The following FAM167A variants were observed in gnomAD, a reference collection of about 807,000 sequenced individuals.
FAM167A encodes the protein family with sequence similarity 167 member A.
In FAM167A, 23 loss-of-function variants were observed where a neutral mutation model predicts 14.9. The observed-to-expected ratio is 1.55, with a 90% confidence interval of 1.11 to 2.19. The LOEUF is 2.19. Among genes scored for constraint, FAM167A ranks in the 30% most tolerant of loss-of-function variants. The probability of loss-of-function intolerance (pLI) is 0.00; values close to 1 mark genes in which losing one functional copy is unlikely to be tolerated. For synonymous variants in FAM167A, 174 were observed against 117.7 expected (o/e 1.48, Z -3.10); for missense variants, 401 against 281.5 (o/e 1.42, Z -3.04).
chr8:11,429,333 C>T (rs1272465291), intron 2 of FAM167A, among the ~76,000 whole-genome samples: 2 of 152,154 alleles, frequency 1.3e-5, no homozygotes, highest in African/African-American at 2.4e-5. Flanking sequence ...CTTTGCTGGT[C>T]CTGTGTGGAG....
At position 11,445,386 on chromosome 8, in the gene FAM167A, C is replaced by T. The variant is rs546453479; in HGVS notation, c.-397-578G>A. 5.3e-5 allele frequency: 52 copies of T among 985,780 alleles called. No homozygotes were observed. The African/African-American group carries it at 7.7e-4, about 15-fold the overall frequency. The allele number at this position is 985,780 out of a possible 1,614,324, so 61.1% of individuals were successfully genotyped here. ...TTCTACATCCAGGTCTTACTCTACG[C>T]TCCTAGCTTCTTCCTCCAAGAACAA... On this transcript the variant is annotated intron_variant, in intron 1 of 2. Transcript: ENST00000284486.
rs1416282989 is a variant in FAM167A at position 11,424,413 on chromosome 8, G to C, written c.605C>G (p.Thr202Ser). 2 of 1,614,032 alleles carry C rather than the reference G, an allele frequency of 1.2e-6. No individual in the cohort carries two copies. Among genetic ancestry groups the C allele is most frequent in the South Asian group, 2.2e-5 (2 of 91,042 alleles). The change falls in exon 3 of 3, where the codon ACC becomes AGC. Residue 202 changes from threonine (T) to serine (S), a missense_variant. Coordinates refer to ENST00000284486, the MANE Select transcript of FAM167A (RefSeq NM_053279.3). ...LSTPLKLIGVTKMNINSRRFS... is the reference protein window; with the variant it reads ...LSTPLKLIGVSKMNINSRRFS... The stretch of plus-strand genomic sequence containing the variant: ...CCTCCGAGAGTTGATGTTCATCTTG[G>C]TCACGCCAATAAGCTTGAGTGGTGT...
chr8:11,432,739 T>C (rs776085639), intron 2 of FAM167A, among the ~76,000 whole-genome samples: 1 of 152,218 alleles, frequency 6.6e-6, no homozygotes, highest in Non-Finnish European at 1.5e-5. Flanking sequence ...TTATAAATCA[T>C]TCTATGATAA....
intron 1 of FAM167A, among the ~76,000 whole-genome samples, chr8:11,466,201 C>T (rs944144640): frequency 6.6e-6 from 1 of 152,174 alleles, no homozygotes; most frequent in African/African-American, 2.4e-5. Flanking sequence ...GGACCGCATC[C>T]GTGGGGACAG....
chr8:11,422,818 T>C lies in FAM167A; in HGVS notation c.*1555A>G, dbSNP rs1433375811. The C allele has an allele frequency of 1.3e-5, 2 of 152,576 alleles. No individual in the cohort carries two copies. Among genetic ancestry groups the C allele is most frequent in the Middle Eastern group, 3.4e-3 (1 of 294 alleles). 9.5% of individuals were successfully genotyped at this position (152,576 alleles called of 1,614,324 possible). A position where few individuals can be genotyped will look rare whatever the true frequency, so the allele number is the denominator to read the frequency against. The stretch of plus-strand genomic sequence containing the variant: ...GCAGCCAGATGCCGTGCGTAGACCA[T>C]GGGACAGTGATTAGTGACACATGCC... On this transcript the variant is annotated 3_prime_UTR_variant, in exon 3 of 3. Coordinates refer to ENST00000284486, the MANE Select transcript of FAM167A (RefSeq NM_053279.3).
rs1395368296 is a variant in FAM167A at position 11,446,178 on chromosome 8, G to A, written c.-397-1370C>T. 7.2e-5 allele frequency among the ~76,000 whole-genome samples: 11 copies of A among 152,278 alleles called. No individual in the cohort carries two copies. The South Asian group carries it at 1.5e-3, about 20-fold the overall frequency. On this transcript the variant is annotated intron_variant, in intron 1 of 2. Coordinates refer to ENST00000284486, the MANE Select transcript of FAM167A (RefSeq NM_053279.3). Reference sequence around the variant, plus strand: ...AGCAGGACCACCTCGCGGTGTCCTGGGATTCCTCTCCGACATGGCACGCAG... The same window carrying A: ...AGCAGGACCACCTCGCGGTGTCCTGAGATTCCTCTCCGACATGGCACGCAG...
At chr8:11,456,181 TGTGTGA>T (rs1807281185) in intron 1 of FAM167A, among the ~76,000 whole-genome samples, 8 of 5,314 alleles carry the variant, frequency 1.5e-3, no homozygotes, top group East Asian at 5.1e-3. Flanking sequence ...GCTGTGTGTG[TGTGTGA>T]ATGTGGGGGG....
intron 1 of FAM167A, among the ~76,000 whole-genome samples, chr8:11,453,821 G>A (rs1047076357): frequency 1.3e-5 from 2 of 151,626 alleles, no homozygotes; most frequent in South Asian, 2.1e-4. Context: ...CGTCTACACC[G>A]CAGCACATAA....
At chr8:11,451,429 C>A (rs1444523107) in intron 1 of FAM167A, among the ~76,000 whole-genome samples, 1 of 152,248 alleles carries the variant, frequency 6.6e-6, no homozygotes, top group Non-Finnish European at 1.5e-5. Flanking sequence ...GTGACTGACA[C>A]AGCACGCACT....
intron 1 of FAM167A, among the ~76,000 whole-genome samples, chr8:11,457,199 C>T (rs1188133537): frequency 1.3e-5 from 2 of 151,876 alleles, no homozygotes; most frequent in African/African-American, 2.4e-5. Context: ...CTCCAAGCAC[C>T]CCTGTGGTCT....
intron 2 of FAM167A, among the ~76,000 whole-genome samples, chr8:11,433,264 G>T (rs1242622315): frequency 6.6e-6 from 1 of 152,024 alleles, no homozygotes; most frequent in Non-Finnish European, 1.5e-5. Context: ...AGCACAAGGA[G>T]CAACTCTATG....
In FAM167A at chr8:11,424,267, C is replaced by A; in HGVS notation, c.*106G>T. On this transcript the variant is annotated 3_prime_UTR_variant, in exon 3 of 3. Transcript: ENST00000284486. The stretch of plus-strand genomic sequence containing the variant: ...GCCCTTGAGTCGCCAGTCCCAGGGA[C>A]CCCTGCCTCCGGGAGACCCACTGGA... 6.7e-7 allele frequency: 1 copy of A among 1,491,124 alleles called. No individual in the cohort carries two copies. The highest frequency in any genetic ancestry group is 9.1e-7 in the Non-Finnish European group (1 of 1,100,148). The allele number at this position is 1,491,124 out of a possible 1,614,324, so 92.4% of individuals were successfully genotyped here.
chr8:11,445,005 T>G lies in FAM167A; in HGVS notation c.-397-197A>C, dbSNP rs73663145. On this transcript the variant is annotated intron_variant, in intron 1 of 2. Transcript: ENST00000284486. ...GAGAAGTTAATGAGCAATTGAAAAA[T>G]TGTGCAGTGTTTTACCATTTATATA... is the stretch of plus-strand genomic sequence containing the variant. 2,095 of 668,234 alleles carry G rather than the reference T, an allele frequency of 3.1e-3. 5 individuals are homozygous for G. Among genetic ancestry groups the G allele is most frequent in the Non-Finnish European group, 3.7e-3 (1,990 of 540,072 alleles). The allele number at this position is 668,234 out of a possible 1,614,324, so 41.4% of individuals were successfully genotyped here.
At chr8:11,427,345 G>A (rs185138698) in intron 2 of FAM167A, among the ~76,000 whole-genome samples, 129 of 152,312 alleles carry the variant, frequency 8.5e-4, no homozygotes, top group African/African-American at 2.9e-4. Flanking sequence ...AGTGCAGAGC[G>A]CCTTCTGTAA....
intron 2 of FAM167A, among the ~76,000 whole-genome samples, chr8:11,443,253 C>A (rs1030100437): frequency 3.3e-5 from 5 of 152,236 alleles, no homozygotes; most frequent in Non-Finnish European, 7.3e-5. Flanking sequence ...GGGCACCCAG[C>A]TCTGCCCCCC....
chr8:11,447,367 G>C lies in FAM167A; in HGVS notation c.-397-2559C>G, dbSNP rs559400633. ...CAGCTAATTTTTTGTATTTTTAGTAGAGACAAGGTTTCACCACCTTGGCCA... is the reference window on the plus strand; with the variant it reads ...CAGCTAATTTTTTGTATTTTTAGTACAGACAAGGTTTCACCACCTTGGCCA... On this transcript the variant is annotated intron_variant, in intron 1 of 2. Transcript: ENST00000284486. Among the ~76,000 whole-genome samples, 7 of 152,188 alleles carry C rather than the reference G, an allele frequency of 4.6e-5. 1 individual carries two copies. The highest frequency in any genetic ancestry group is 1.7e-4 in the African/African-American group (7 of 41,520).
At chr8:11,427,955 G>C (rs1175182227) in intron 2 of FAM167A, among the ~76,000 whole-genome samples, 1 of 152,206 alleles carries the variant, frequency 6.6e-6, no homozygotes, top group Non-Finnish European at 1.5e-5. Flanking sequence ...GCCTGGAACG[G>C]AGCTAGGTGC....
At chr8:11,445,089 T>G (rs918025140) in intron 1 of FAM167A, 3 of 977,332 alleles carry the variant, frequency 3.1e-6, no homozygotes, top group Non-Finnish European at 3.6e-6. Flanking sequence ...CAGGGATTTG[T>G]TTTTATTCTC....
intron 1 of FAM167A, among the ~76,000 whole-genome samples, chr8:11,462,706 A>T (rs564085847): frequency 7.9e-5 from 12 of 152,128 alleles, no homozygotes; most frequent in Admixed American, 4.6e-4. Flanking sequence ...GTGTGGTTTC[A>T]TTATGCCAGC....
Sources: allele counts gnomAD v4.1 joint callset (sites outside exome capture counted in the v4.1 genomes callset), GRCh38; gene constraint gnomAD v4.1.1; transcripts MANE v1.5; gene names NCBI Gene and HGNC (gene_info 2026-07-23, HGNC 2026-07-21).